JARID2: variants seen among roughly 807,000 people sequenced by gnomAD.
JARID2 encodes protein Jumonji.
A neutral mutation model predicts 125.6 loss-of-function variants in JARID2; 21 were observed. That is an observed-to-expected ratio of 0.17 (90% CI 0.12 to 0.24). The LOEUF (loss-of-function observed/expected upper bound fraction) is 0.24. Ranked by LOEUF, JARID2 falls within the 10% of genes least tolerant of loss-of-function variation. The pLI is 1.00. For synonymous variants in JARID2, 736 were observed against 661.6 expected (o/e 1.11, Z -1.73); for missense variants, 1,303 against 1,639.6 (o/e 0.79, Z 3.55).
chr6:15,246,950 C>T (rs1045817324), intron 1 of JARID2, among the ~76,000 whole-genome samples: 1 of 152,128 alleles, frequency 6.6e-6, no homozygotes, highest in African/African-American at 2.4e-5. Flanking sequence ...GCAAATGAGC[C>T]TGTGTTATTA....
chr6:15,333,619 C>A (rs527687153), intron 1 of JARID2, among the ~76,000 whole-genome samples: 1 of 152,152 alleles, frequency 6.6e-6, no homozygotes, highest in African/African-American at 2.4e-5. Flanking sequence ...GTGTACAATT[C>A]GGTGGCACTG....
intron 2 of JARID2, among the ~76,000 whole-genome samples, chr6:15,385,181 T>A (rs1764737681): frequency 6.6e-6 from 1 of 152,212 alleles, no homozygotes; most frequent in Non-Finnish European, 1.5e-5. Context: ...CTGTCCCTCT[T>A]CCTGGTATTT....
chr6:15,326,893 A>G (rs1241507913), intron 1 of JARID2, among the ~76,000 whole-genome samples: 2 of 152,198 alleles, frequency 1.3e-5, no homozygotes, highest in African/African-American at 4.8e-5. Context: ...GATTTCCCCT[A>G]CTGTCAGTCT....
rs143043267 is a variant in JARID2, at chr6:15,336,982, A to G, written c.46-37135A>G. ...GTTCAGTAAGTCACACATAAAAATC[A>G]ATTTGTTATTTGTAATCACTCCACT... On this transcript the variant is annotated intron_variant, in intron 1 of 17. Transcript: ENST00000341776. Among the ~76,000 whole-genome samples the G allele has an allele frequency of 2.6e-3, 402 of 152,250 alleles. 2 individuals are homozygous for G. Among genetic ancestry groups the G allele is most frequent in the African/African-American group, 9.0e-3 (374 of 41,536 alleles).
intron 1 of JARID2, among the ~76,000 whole-genome samples, chr6:15,281,724 G>T (rs914649918): frequency 3.3e-5 from 5 of 152,202 alleles, no homozygotes; most frequent in African/African-American, 1.2e-4. Context: ...TAGGACTAGT[G>T]TACTGTAGTT....
At chr6:15,342,010 G>T (rs1430522280) in intron 1 of JARID2, among the ~76,000 whole-genome samples, 11 of 151,834 alleles carry the variant, frequency 7.2e-5, no homozygotes, top group Non-Finnish European at 5.9e-5. Context: ...AAATAAAAAG[G>T]GGGGGGACAG....
intron 3 of JARID2, among the ~76,000 whole-genome samples, chr6:15,447,732 G>A (rs1448075100): frequency 1.3e-5 from 2 of 152,226 alleles, no homozygotes; most frequent in East Asian, 3.9e-4. Context: ...GGTGTGGTGG[G>A]CGGGTATGCC....
At chr6:15,346,406 G>A (rs1025364476) in intron 1 of JARID2, among the ~76,000 whole-genome samples, 18 of 152,174 alleles carry the variant, frequency 1.2e-4, no homozygotes, top group Admixed American at 1.1e-3. Context: ...TCCATGAGTC[G>A]CCTCCTCTTG....
At chr6:15,397,934 T>G (rs920313987) in intron 2 of JARID2, among the ~76,000 whole-genome samples, 25 of 152,302 alleles carry the variant, frequency 1.6e-4, no homozygotes, top group Admixed American at 9.2e-4. Flanking sequence ...ATACCTACCA[T>G]TCATCAGTTG....
intron 1 of JARID2, among the ~76,000 whole-genome samples, chr6:15,339,451 A>G (rs1426607679): frequency 6.6e-6 from 1 of 152,124 alleles, no homozygotes; most frequent in Non-Finnish European, 1.5e-5. Flanking sequence ...TATAAAAAAG[A>G]GAGAAGATGC....
At chr6:15,482,996 G>A (rs1769696908) in intron 5 of JARID2, among the ~76,000 whole-genome samples, 1 of 152,170 alleles carries the variant, frequency 6.6e-6, no homozygotes, top group Non-Finnish European at 1.5e-5. Context: ...CTGGTTTTCT[G>A]AAATTCTAAT....
intron 3 of JARID2, among the ~76,000 whole-genome samples, chr6:15,433,115 T>G (rs1767038080): frequency 6.6e-6 from 1 of 152,238 alleles, no homozygotes; most frequent in South Asian, 2.1e-4. Context: ...CTATGTGATT[T>G]AAAGCACGTA....
At chr6:15,399,983 A>C (rs1765362148) in intron 2 of JARID2, among the ~76,000 whole-genome samples, 1 of 152,224 alleles carries the variant, frequency 6.6e-6, no homozygotes, top group Non-Finnish European at 1.5e-5. Flanking sequence ...AAAAAGCTAT[A>C]ACATATGAAA....
At chr6:15,515,895 C>T (rs1771525471) in intron 16 of JARID2, among the ~76,000 whole-genome samples, 1 of 150,780 alleles carries the variant, frequency 6.6e-6, no homozygotes, top group Non-Finnish European at 1.5e-5. Flanking sequence ...ATTAGCCGTG[C>T]ATGATGTTGA....
At chr6:15,471,403 A>G (rs1243779867) in intron 5 of JARID2, among the ~76,000 whole-genome samples, 1 of 152,196 alleles carries the variant, frequency 6.6e-6, no homozygotes, top group African/African-American at 2.4e-5. Context: ...GAGATTGAAG[A>G]GTGAAGAAAT....
At chr6:15,278,923 G>C (rs897397711) in intron 1 of JARID2, among the ~76,000 whole-genome samples, 2 of 152,090 alleles carry the variant, frequency 1.3e-5, no homozygotes, top group African/African-American at 4.8e-5. Flanking sequence ...ACAAAAATTA[G>C]CTGGGTGTGG....
At position 15,520,872 on chromosome 6, in the gene JARID2, T is replaced by TG. The variant is rs1771807388; in HGVS notation, c.*624dup. 1 of 454,960 alleles carries TG rather than the reference T, an allele frequency of 2.2e-6. No homozygotes were observed. The highest frequency in any genetic ancestry group is 2.0e-5 in the African/African-American group (1 of 49,932). The allele number at this position is 454,960 out of a possible 1,614,324, so 28.2% of individuals were successfully genotyped here. ...GGTGGAACGAGGAGACGGGAGCGAG[T>TG]GGGCTCTCCACCAGCACATCACTAT... On this transcript the variant is annotated 3_prime_UTR_variant, in exon 18 of 18. Coordinates refer to ENST00000341776, the MANE Select transcript of JARID2 (RefSeq NM_004973.4).
chr6:15,383,767 C>T (rs1372259555), intron 2 of JARID2, among the ~76,000 whole-genome samples: 1 of 152,032 alleles, frequency 6.6e-6, no homozygotes, highest in Admixed American at 6.6e-5. Context: ...TCCTGAACAC[C>T]ACCTGCCTGC....
At chr6:15,432,820 A>C (rs550637984) in intron 3 of JARID2, among the ~76,000 whole-genome samples, 1 of 152,358 alleles carries the variant, frequency 6.6e-6, no homozygotes, top group South Asian at 2.1e-4. Context: ...TAAGCTGTTA[A>C]AAGCTACTTA....
Sources: gnomAD v4.1 joint callset for allele counts (sites outside exome capture counted in the v4.1 genomes callset) on GRCh38, gnomAD v4.1.1 for gene constraint, MANE v1.5 for transcripts, NCBI Gene and HGNC (gene_info 2026-07-23, HGNC 2026-07-21) for gene names.